SERGEF: variants seen among roughly 807,000 people sequenced by gnomAD.
SERGEF encodes the protein secretion-regulating guanine nucleotide exchange factor.
Under a neutral mutation model 50.0 loss-of-function variants are expected in SERGEF, and 51 were observed. The ratio of observed to expected loss-of-function variants is 1.02; its 90% CI spans 0.81 to 1.29. SERGEF has a LOEUF of 1.29. SERGEF is among the 50% of genes most tolerant of loss of function. The pLI is 0.00. For missense variants in SERGEF, 521 were observed against 557.0 expected (o/e 0.94, Z 0.65); for synonymous variants, 205 against 212.4 (o/e 0.97, Z 0.30).
intron 9 of SERGEF, among the ~76,000 whole-genome samples, chr11:17,928,749 AGACCCCAAGGG>A (rs1852296754): frequency 6.6e-6 from 1 of 152,146 alleles, no homozygotes; most frequent in Non-Finnish European, 1.5e-5. Flanking sequence ...CCAGAACAGA[AGACCCCAAGGG>A]GTCTAGGAGA....
intron 10 of SERGEF, among the ~76,000 whole-genome samples, chr11:17,817,276 G>A (rs1167994901): frequency 1.3e-5 from 2 of 150,052 alleles, no homozygotes; most frequent in Admixed American, 6.7e-5. Context: ...ATGCAGTGGC[G>A]CGATCTTGGC....
At chr11:17,861,878 A>G (rs1478266539) in intron 10 of SERGEF, among the ~76,000 whole-genome samples, 2 of 152,212 alleles carry the variant, frequency 1.3e-5, no homozygotes, top group Admixed American at 6.5e-5. Context: ...AAACTTACCA[A>G]ATTAATATCT....
chr11:17,869,162 G>T (rs2525891), intron 10 of SERGEF, among the ~76,000 whole-genome samples: 71,973 of 151,954 alleles, frequency 0.47, 17,801 homozygotes, highest in East Asian at 0.75. Flanking sequence ...TACTCTGGAG[G>T]AGAGAAGGAT....
At chr11:17,821,570 C>T (rs1850083925) in intron 10 of SERGEF, among the ~76,000 whole-genome samples, 1 of 152,176 alleles carries the variant, frequency 6.6e-6, no homozygotes, top group Admixed American at 6.5e-5. Flanking sequence ...TGTCATGCCT[C>T]CATGTCTTTG....
At chr11:17,808,337 C>A (rs1275944772) in intron 10 of SERGEF, among the ~76,000 whole-genome samples, 2 of 152,132 alleles carry the variant, frequency 1.3e-5, no homozygotes, top group Non-Finnish European at 1.5e-5. Flanking sequence ...CTGGTGAGGG[C>A]CTCAGGAAGC....
At position 17,955,338 on chromosome 11, in the gene SERGEF, T is replaced by C. The variant is rs942420512; in HGVS notation, c.1011+4132A>G. Among the ~76,000 whole-genome samples, 10 of 152,238 alleles carry C rather than the reference T, an allele frequency of 6.6e-5. No homozygotes were observed. The South Asian group carries it at 2.1e-3, about 31-fold the overall frequency. ...AAGTTCTTTGAGGGCAAAGACTGTG[T>C]ATTTTTCATCCTTGTATCCACCTCC... On this transcript the variant is annotated intron_variant, in intron 9 of 10. Transcript: ENST00000265965.
intron 7 of SERGEF, among the ~76,000 whole-genome samples, chr11:17,990,065 C>T (rs1336998024): frequency 6.6e-6 from 1 of 152,184 alleles, no homozygotes; most frequent in Non-Finnish European, 1.5e-5. Flanking sequence ...GGACTAGAAG[C>T]CAGGTCTTCT....
chr11:17,811,984 G>A (rs928992708), intron 10 of SERGEF, among the ~76,000 whole-genome samples: 1 of 152,178 alleles, frequency 6.6e-6, no homozygotes, highest in Non-Finnish European at 1.5e-5. Context: ...AATGAAACTA[G>A]CATCCCAAAG....
chr11:17,857,404 C>T (rs947455838), intron 10 of SERGEF, among the ~76,000 whole-genome samples: 2 of 152,188 alleles, frequency 1.3e-5, no homozygotes, highest in Admixed American at 6.5e-5. Flanking sequence ...TGCTTCTCCC[C>T]GCTCTGAAAA....
chr11:17,925,378 CT>C (rs1852232223), intron 9 of SERGEF, among the ~76,000 whole-genome samples: 1 of 151,998 alleles, frequency 6.6e-6, no homozygotes, highest in African/African-American at 2.4e-5. Context: ...AAATACGCTA[CT>C]GCAGGGTGAA....
chr11:17,927,587 C>T (rs528619466), intron 9 of SERGEF, among the ~76,000 whole-genome samples: 2 of 152,306 alleles, frequency 1.3e-5, no homozygotes, highest in Non-Finnish European at 2.9e-5. Flanking sequence ...AGTCACTCTC[C>T]TTCTTTGGAT....
chr11:18,003,826 T>C (rs76648364), intron 4 of SERGEF, among the ~76,000 whole-genome samples: 1,906 of 152,316 alleles, frequency 0.013, 23 homozygotes, highest in Middle Eastern at 0.044. Context: ...AGAATAGGAA[T>C]TGACTGCTAT....
At chr11:17,798,855 C>T (rs144625422) in intron 10 of SERGEF, among the ~76,000 whole-genome samples, 1 of 152,196 alleles carries the variant, frequency 6.6e-6, no homozygotes, top group Non-Finnish European at 1.5e-5. Flanking sequence ...ATTTTGGTCA[C>T]ACTCTGTGGA....
intron 9 of SERGEF, among the ~76,000 whole-genome samples, chr11:17,925,396 T>C (rs1174279831): frequency 2.6e-5 from 4 of 152,054 alleles, no homozygotes; most frequent in Non-Finnish European, 5.9e-5. Context: ...TGAAAGGGAC[T>C]GCATTCTAGA....
At chr11:17,971,317 G>A (rs1191302516) in intron 8 of SERGEF, among the ~76,000 whole-genome samples, 1 of 152,198 alleles carries the variant, frequency 6.6e-6, no homozygotes, top group African/African-American at 2.4e-5. Context: ...ATTGATAAAG[G>A]TGGCTACACT....
At chr11:17,905,659 G>A (rs183960439) in intron 9 of SERGEF, among the ~76,000 whole-genome samples, 112 of 152,276 alleles carry the variant, frequency 7.4e-4, no homozygotes, top group African/African-American at 2.3e-3. Context: ...GAGGTGACAG[G>A]AGTGAAACCC....
chr11:17,947,949 TC>T (rs1852696687), intron 9 of SERGEF, among the ~76,000 whole-genome samples: 1 of 148,730 alleles, frequency 6.7e-6, no homozygotes, highest in Non-Finnish European at 1.5e-5. Context: ...CCTAATCCAT[TC>T]TTTTTTTTTT....
At chr11:17,813,989 CA>C (rs1371806335) in intron 10 of SERGEF, among the ~76,000 whole-genome samples, 1 of 152,212 alleles carries the variant, frequency 6.6e-6, no homozygotes, top group Non-Finnish European at 1.5e-5. Flanking sequence ...TAGGTTCTAA[CA>C]GCTTGTGGGC....
At chr11:17,967,484 A>G (rs1035599444) in intron 8 of SERGEF, among the ~76,000 whole-genome samples, 6 of 152,230 alleles carry the variant, frequency 3.9e-5, no homozygotes, top group East Asian at 1.9e-4. Context: ...AAAACATAGA[A>G]GTATTCCACA....
Sources: allele counts gnomAD v4.1 joint callset (sites outside exome capture counted in the v4.1 genomes callset), GRCh38; gene constraint gnomAD v4.1.1; transcripts MANE v1.5; gene names NCBI Gene and HGNC (gene_info 2026-07-23, HGNC 2026-07-21).